The following PLEKHH1 variants were observed in gnomAD, a reference collection of about 807,000 sequenced individuals.
PLEKHH1 encodes the protein pleckstrin homology, MyTH4 and FERM domain containing H1.
PLEKHH1 carries 104 observed loss-of-function variants against 160.0 expected under a neutral mutation model. The observed-to-expected ratio is 0.65, with a 90% CI of 0.55 to 0.76. The LOEUF is 0.76. PLEKHH1 is among the 30% of genes least tolerant of loss of function. PLEKHH1 has a pLI of 0.00. For synonymous variants in PLEKHH1, 619 were observed against 678.4 expected (o/e 0.91, Z 1.36); for missense variants, 1,427 against 1,724.1 (o/e 0.83, Z 3.05).
chr14:67,579,486 C>T, intron 21 of PLEKHH1, 175 bp downstream of exon 21: 1 of 665,080 alleles, frequency 1.5e-6, no homozygotes, highest in Non-Finnish European at 2.5e-6. Flanking sequence ...TAAGAAAGGG[C>T]CTCCAAAAGA....
In PLEKHH1 at chr14:67,577,193, C is replaced by T. The variant is rs374640404; in HGVS notation, c.2462-109C>T. ...AAACCCAGCACAACCCAAGTGTTGA[C>T]GGAAGATAAACCACTATCTTCCCCA... On this transcript the variant is annotated intron_variant, in intron 17 of 28. Transcript: ENST00000329153. 6.0e-4 allele frequency: 442 copies of T among 738,294 alleles called. 1 individual carries two copies. In the African/African-American group the frequency reaches 6.6e-3, roughly 11 times the overall value. The allele number at this position is 738,294 out of a possible 1,614,324, so 45.7% of individuals were successfully genotyped here.
chr14:67,585,704 G>A (rs750568032), intron 27 of PLEKHH1, 50 bp downstream of exon 27: 2 of 1,336,446 alleles, frequency 1.5e-6, no homozygotes, highest in Non-Finnish European at 2.1e-6. Flanking sequence ...CCTCAACATG[G>A]TCTTTTCTTC....
At chr14:67,565,243 T>C (rs2035033855) in intron 7 of PLEKHH1, among the ~76,000 whole-genome samples, 1 of 151,940 alleles carries the variant, frequency 6.6e-6, no homozygotes, top group South Asian at 2.1e-4. Flanking sequence ...AGCCAGGCTT[T>C]ATTTATTTAT....
At chr14:67,586,708 A>T in intron 28 of PLEKHH1, 1 of 811,980 alleles carries the variant, frequency 1.2e-6, no homozygotes, top group Non-Finnish European at 1.7e-6. Flanking sequence ...TTTTAATCCT[A>T]AAGTTAGAGT....
rs2236230 is a variant in PLEKHH1, at chr14:67,573,043, T to G, written c.1729-233T>G. 5.1e-3 allele frequency among the ~76,000 whole-genome samples: 772 copies of G among 152,298 alleles called. 46 individuals carry two copies. In the East Asian group the frequency reaches 0.12, roughly 23 times the overall value. On this transcript the variant is annotated intron_variant, in intron 11 of 28. Transcript: ENST00000329153. This position sits in a 1 kb window ranked among gnomAD's most constrained non-coding sequence, Gnocchi z 4.8. ...GCTCTGCTACCTTCTCATAGTGAGG[T>G]CTTCCCCAGCTAGCATGGGAGCCCT... is the stretch of plus-strand genomic sequence containing the variant.
At chr14:67,577,277 C>T (rs757734030) in intron 17 of PLEKHH1, 25 bp from the exon 18 acceptor site, 1 of 1,480,174 alleles carries the variant, frequency 6.8e-7, no homozygotes, top group Non-Finnish European at 9.2e-7. Context: ...ACTGCCCTTG[C>T]TCTCTGGTTC....
Position 67,578,519 on chromosome 14 carries a change from C to T in PLEKHH1, c.2752-15C>T. On this transcript the variant is annotated splice_polypyrimidine_tract_variant and intron_variant, in intron 19 of 28. Coordinates refer to ENST00000329153, the MANE Select transcript of PLEKHH1 (RefSeq NM_020715.3). This position sits in a 1 kb window ranked among gnomAD's most constrained non-coding sequence, Gnocchi z 5.0. ...AGGCCCAGCACTCACCCCACGCTGT[C>T]TGTGTCCCTGGCAGTGCTGGCAGCT... is the stretch of plus-strand genomic sequence containing the variant. The T allele has an allele frequency of 6.3e-7, 1 of 1,582,604 alleles. No homozygotes were observed. Among genetic ancestry groups the T allele is most frequent in the Non-Finnish European group, 8.6e-7 (1 of 1,156,258 alleles).
chr14:67,555,127 A>G (rs2034542636), intron 2 of PLEKHH1, among the ~76,000 whole-genome samples: 1 of 152,188 alleles, frequency 6.6e-6, no homozygotes, highest in Non-Finnish European at 1.5e-5. Flanking sequence ...TATGTTGCCC[A>G]GGCTGGTCTT....
At chr14:67,555,029 C>G (rs1407434802) in intron 2 of PLEKHH1, among the ~76,000 whole-genome samples, 1 of 152,166 alleles carries the variant, frequency 6.6e-6, no homozygotes, top group East Asian at 1.9e-4. Flanking sequence ...CCGCCTGCCT[C>G]AGCCTCCTGA....
At chr14:67,572,396 A>G in intron 11 of PLEKHH1, 119 bp downstream of exon 11, 1 of 254,366 alleles carries the variant, frequency 3.9e-6, no homozygotes, top group South Asian at 3.4e-5. Flanking sequence ...GAGCTGGGGG[A>G]TGGGGGCAGG....
intron 2 of PLEKHH1, among the ~76,000 whole-genome samples, chr14:67,542,412 A>G (rs949570042): frequency 6.6e-6 from 1 of 152,214 alleles, no homozygotes; most frequent in African/African-American, 2.4e-5. Context: ...CCTGGTAACA[A>G]GGACACAGGC....
At position 67,581,908 on chromosome 14, in the gene PLEKHH1, A is replaced by G. The variant is rs1156527824; in HGVS notation, c.3285-161A>G. ...CATGACCCTGCATCTGCTCTGTGTC[A>G]TACTCGGTTATATGTTTCTGGAGGC... is the stretch of plus-strand genomic sequence containing the variant. On this transcript the variant is annotated intron_variant, in intron 23 of 28. Transcript: ENST00000329153. 9.1e-6 allele frequency: 6 copies of G among 660,878 alleles called. No homozygotes were observed. The Admixed American group carries it at 1.7e-4, about 19-fold the overall frequency. 40.9% of individuals were successfully genotyped at this position (660,878 alleles called of 1,614,324 possible).
At chr14:67,545,887 T>C (rs2034157025) in intron 2 of PLEKHH1, among the ~76,000 whole-genome samples, 1 of 152,036 alleles carries the variant, frequency 6.6e-6, no homozygotes, top group African/African-American at 2.4e-5. Context: ...TCCGTGCTCA[T>C]GGATTTTATA....
chr14:67,572,087 G>A (rs769475654), intron 10 of PLEKHH1, 48 bp from the exon 11 acceptor site: 4 of 1,574,496 alleles, frequency 2.5e-6, no homozygotes, highest in Non-Finnish European at 3.4e-6. Context: ...GGCTGCGTGA[G>A]TCGGGGAGGT....
chr14:67,534,077 G>A (rs1374431565), intron 1 of PLEKHH1, among the ~76,000 whole-genome samples: 1 of 152,044 alleles, frequency 6.6e-6, no homozygotes, highest in East Asian at 1.9e-4. Flanking sequence ...ACAGAGCCTT[G>A]GTTCAGGTAA....
chr14:67,573,268 C>T lies in PLEKHH1; in HGVS notation c.1729-8C>T, dbSNP rs1340951198. On this transcript the variant is annotated splice_polypyrimidine_tract_variant and splice_region_variant and intron_variant, in intron 11 of 28. Coordinates refer to ENST00000329153, the MANE Select transcript of PLEKHH1 (RefSeq NM_020715.3). This position sits in a 1 kb window ranked among gnomAD's most constrained non-coding sequence, Gnocchi z 4.8. Reference sequence around the variant, plus strand: ...CCCTTTCTTCATCTACACCCTTCCACCCCTCAGGAGTCACTGGAGAAGTCG... The same window carrying T: ...CCCTTTCTTCATCTACACCCTTCCATCCCTCAGGAGTCACTGGAGAAGTCG... The T allele has an allele frequency of 1.3e-6, 2 of 1,577,246 alleles. No homozygotes were observed. The highest frequency in any genetic ancestry group is 1.7e-5 in the Admixed American group (1 of 59,986).
chr14:67,581,168 C>A, intron 23 of PLEKHH1, 130 bp downstream of exon 23: 1 of 643,760 alleles, frequency 1.6e-6, no homozygotes, highest in Non-Finnish European at 2.8e-6. Flanking sequence ...GCCTGGCAGT[C>A]ACTAGCTGGG....
rs1349615448 is a variant in PLEKHH1, at chr14:67,541,699, ATTCTCTTCCCCAGCCCTGTT to A, written c.-34-108_-34-89del. On this transcript the variant is annotated intron_variant, in intron 1 of 28. Transcript: ENST00000329153. ...GAGGGGCCCTGGGGATCAGTGACCA[ATTCTCTTCCCCAGCCCTGTT>A]TTCTCTTCCCCAGCCCTGTTTTCTC... is the stretch of plus-strand genomic sequence containing the variant. 3.5e-5 allele frequency: 20 copies of A among 573,040 alleles called. No homozygotes were observed. In the Middle Eastern group the frequency reaches 1.3e-3, roughly 36 times the overall value. 35.5% of individuals were successfully genotyped at this position (573,040 alleles called of 1,614,324 possible).
intron 2 of PLEKHH1, among the ~76,000 whole-genome samples, chr14:67,550,235 C>G (rs983859280): frequency 1.3e-5 from 2 of 152,052 alleles, no homozygotes; most frequent in Non-Finnish European, 2.9e-5. Context: ...GTTGCCCAAG[C>G]TGGAGTGCAG....
Sources: allele counts gnomAD v4.1 joint callset (sites outside exome capture counted in the v4.1 genomes callset), GRCh38; gene constraint gnomAD v4.1.1; non-coding constraint Gnocchi (gnomAD v3.1); transcripts MANE v1.5; gene names NCBI Gene and HGNC (gene_info 2026-07-23, HGNC 2026-07-21).